The following DIAPH3 variants were observed in gnomAD, a reference collection of about 807,000 sequenced individuals.
DIAPH3 encodes protein diaphanous homolog 3.
DIAPH3 carries 117 observed loss-of-function variants against 144.3 expected under a neutral mutation model. The observed-to-expected ratio is 0.81, with a 90% CI of 0.70 to 0.95. The LOEUF is 0.95. Ranked by LOEUF, DIAPH3 falls within the 40% of genes least tolerant of loss-of-function variation. DIAPH3 has a pLI of 0.00. For synonymous variants in DIAPH3, 519 were observed against 488.9 expected (o/e 1.06, Z -0.81); for missense variants, 1,421 against 1,412.7 (o/e 1.01, Z -0.09).
chr13:59,772,902 A>T (rs2038199721), intron 27 of DIAPH3, among the ~76,000 whole-genome samples: 1 of 152,124 alleles, frequency 6.6e-6, no homozygotes, highest in African/African-American at 2.4e-5. Context: ...TATTCTTGTC[A>T]CAGCTGTGTC....
chr13:59,981,768 C>A (rs1001852987), intron 13 of DIAPH3, among the ~76,000 whole-genome samples: 1 of 151,240 alleles, frequency 6.6e-6, no homozygotes, highest in Non-Finnish European at 1.5e-5. Flanking sequence ...CTAAATGCAA[C>A]CTCTTATTAC....
At chr13:59,874,134 CAT>C (rs2044459156) in intron 21 of DIAPH3, among the ~76,000 whole-genome samples, 2 of 152,186 alleles carry the variant, frequency 1.3e-5, no homozygotes, top group Admixed American at 6.5e-5. Flanking sequence ...AAGCGATTCA[CAT>C]TTCAAGTTGA....
intron 17 of DIAPH3, among the ~76,000 whole-genome samples, chr13:59,949,185 C>G (rs2048968819): frequency 6.6e-6 from 1 of 152,130 alleles, no homozygotes; most frequent in Non-Finnish European, 1.5e-5. Flanking sequence ...CTGCGAATCT[C>G]CTATTTTTCA....
At chr13:59,729,469 G>C (rs1172026480) in intron 27 of DIAPH3, among the ~76,000 whole-genome samples, 1 of 152,080 alleles carries the variant, frequency 6.6e-6, no homozygotes, top group Non-Finnish European at 1.5e-5. Flanking sequence ...TGTGTGTGGG[G>C]TGAGGAGGAG....
intron 9 of DIAPH3, among the ~76,000 whole-genome samples, chr13:59,999,001 C>CA (rs1167770217): frequency 6.6e-6 from 1 of 151,824 alleles, no homozygotes; most frequent in Non-Finnish European, 1.5e-5. Context: ...ACACTTAAAA[C>CA]AAAAAATAGT....
At chr13:60,138,772 A>AGAC (rs1555383931) in intron 1 of DIAPH3, among the ~76,000 whole-genome samples, 1 of 63,984 alleles carries the variant, frequency 1.6e-5, no homozygotes, top group Non-Finnish European at 4.2e-5. Context: ...AAGGAGAAGG[A>AGAC]GAAGGAGAAG....
intron 5 of DIAPH3, among the ~76,000 whole-genome samples, chr13:60,026,625 G>T (rs1480848763): frequency 6.6e-6 from 1 of 151,986 alleles, no homozygotes; most frequent in Non-Finnish European, 1.5e-5. Flanking sequence ...AATGTTTGGG[G>T]TATATTTGAA....
At chr13:59,987,475 T>TAAAAAAAAAAAAAAAA (rs201333360) in intron 12 of DIAPH3, among the ~76,000 whole-genome samples, 5 of 70,132 alleles carry the variant, frequency 7.1e-5, no homozygotes, top group East Asian at 3.8e-4. Flanking sequence ...TAAAGTATAA[T>TAAAAAAAAAAAAAAAA]AAAAAAAAAA....
rs748225993 is a variant in DIAPH3 at position 59,992,599 on chromosome 13, C to T, written c.1015-16G>A. The T allele has an allele frequency of 4.4e-6, 7 of 1,588,428 alleles. No individual in the cohort carries two copies. Among genetic ancestry groups the T allele is most frequent in the African/African-American group, 1.3e-5 (1 of 74,234 alleles). On this transcript the variant is annotated splice_polypyrimidine_tract_variant and intron_variant, in intron 9 of 27. Transcript: ENST00000400324. ...TACAAGCTACCTACAAGAGATCAAA[C>T]AGTGAGACAGACTGGGTTTCCAACA...
intron 3 of DIAPH3, among the ~76,000 whole-genome samples, chr13:60,098,126 A>G (rs1171869340): frequency 1.3e-5 from 2 of 152,072 alleles, no homozygotes; most frequent in African/African-American, 2.4e-5. Context: ...CTTAGTTTAT[A>G]TTTCCTCAAA....
intron 20 of DIAPH3, among the ~76,000 whole-genome samples, chr13:59,899,727 G>A (rs910131941): frequency 6.6e-6 from 1 of 152,210 alleles, no homozygotes; most frequent in Non-Finnish European, 1.5e-5. Flanking sequence ...AGAATAGACT[G>A]TGTTAAATAT....
chr13:59,781,268 G>T (rs574859299), intron 25 of DIAPH3, among the ~76,000 whole-genome samples: 77 of 152,298 alleles, frequency 5.1e-4, no homozygotes, highest in African/African-American at 1.8e-3. Context: ...GCAAGAAATG[G>T]TTTCCAAATT....
intron 25 of DIAPH3, among the ~76,000 whole-genome samples, chr13:59,798,823 A>G (rs1009531986): frequency 6.6e-6 from 1 of 152,166 alleles, no homozygotes; most frequent in Non-Finnish European, 1.5e-5. Flanking sequence ...CCCAGGAGGA[A>G]GTGGCGCATA....
intron 22 of DIAPH3, among the ~76,000 whole-genome samples, chr13:59,845,744 A>G (rs1219771218): frequency 6.6e-6 from 1 of 152,156 alleles, no homozygotes; most frequent in African/African-American, 2.4e-5. Flanking sequence ...TACACAGGTA[A>G]AGTGCCCTTT....
At chr13:59,666,936 C>T (rs2032052876) in intron 27 of DIAPH3, 90 bp from the exon 28 acceptor site, 3 of 1,449,016 alleles carry the variant, frequency 2.1e-6, no homozygotes, top group Middle Eastern at 2.0e-4. Context: ...TAATTATTCT[C>T]AATAAATAAG....
chr13:59,761,614 G>A (rs187287533), intron 27 of DIAPH3, among the ~76,000 whole-genome samples: 1 of 152,170 alleles, frequency 6.6e-6, no homozygotes, highest in Admixed American at 6.5e-5. Flanking sequence ...ATATGCAAAA[G>A]CACATTTATT....
intron 17 of DIAPH3, among the ~76,000 whole-genome samples, chr13:59,928,491 A>T (rs577530694): frequency 6.6e-6 from 1 of 152,108 alleles, no homozygotes; most frequent in Non-Finnish European, 1.5e-5. Context: ...ATATCTGTGC[A>T]CCTCCTCTAA....
intron 4 of DIAPH3, among the ~76,000 whole-genome samples, chr13:60,086,534 C>G (rs909303619): frequency 6.6e-6 from 1 of 151,732 alleles, no homozygotes; most frequent in Non-Finnish European, 1.5e-5. Context: ...ATGTCAATCA[C>G]AAATTTTTTA....
chr13:59,925,008 G>T, intron 17 of DIAPH3, 138 bp from the exon 18 acceptor site: 1 of 1,405,764 alleles, frequency 7.1e-7, no homozygotes. Context: ...CAAATAAAAC[G>T]ATAGATATCC....
Sources: allele counts gnomAD v4.1 joint callset (sites outside exome capture counted in the v4.1 genomes callset), GRCh38; gene constraint gnomAD v4.1.1; transcripts MANE v1.5; gene names NCBI Gene and HGNC (gene_info 2026-07-23, HGNC 2026-07-21).